KLHDC10: variants seen among roughly 807,000 people sequenced by gnomAD.
KLHDC10 encodes the protein kelch domain-containing protein 10.
KLHDC10 carries 24 observed loss-of-function variants against 56.1 expected under a neutral mutation model. The observed-to-expected ratio is 0.43, with a 90% CI of 0.31 to 0.60. The LOEUF is 0.60. Among genes scored for constraint, KLHDC10 ranks in the 20% least tolerant of loss-of-function variants. KLHDC10 has a pLI of 0.11. For synonymous variants in KLHDC10, 188 were observed against 207.1 expected, an observed-to-expected ratio of 0.91 and a Z score of 0.79; for missense variants, 349 against 567.0, an observed-to-expected ratio of 0.62 and a Z score of 3.91.
intron 1 of KLHDC10, among the ~76,000 whole-genome samples, chr7:130,082,397 A>G (rs555370535): frequency 2.0e-5 from 3 of 152,320 alleles, no homozygotes; most frequent in African/African-American, 7.2e-5. Flanking sequence ...AGCTATATCA[A>G]CATTTTGATA....
At chr7:130,113,791 G>T (rs768139653) in intron 2 of KLHDC10, among the ~76,000 whole-genome samples, 1 of 152,188 alleles carries the variant, frequency 6.6e-6, no homozygotes, top group South Asian at 2.1e-4. Context: ...TAGAGAAAAT[G>T]TAGAATAGAC....
Position 130,131,215 on chromosome 7 carries a change from TC to T in KLHDC10, c.*470del, listed in dbSNP as rs1796396147. 4 of 162,022 alleles carry T rather than the reference TC, an allele frequency of 2.5e-5. No homozygotes were observed. In the South Asian group the frequency reaches 6.5e-4, roughly 26 times the overall value. The allele number at this position is 162,022 out of a possible 1,614,324, so 10.0% of individuals were successfully genotyped here. Reference sequence around the variant, plus strand: ...AAGCTGAGAAGGCTAACCTTGGGAATCTTGCAGGTTATACTTAAACCTAGAT... The same window carrying T: ...AAGCTGAGAAGGCTAACCTTGGGAATTTGCAGGTTATACTTAAACCTAGAT... On this transcript the variant is annotated 3_prime_UTR_variant, in exon 10 of 10. Coordinates refer to ENST00000335420, the MANE Select transcript of KLHDC10 (RefSeq NM_014997.4).
rs149721697 is a variant in KLHDC10, at chr7:130,120,872, G to A, written c.599G>A (p.Arg200Gln). 1.9e-5 allele frequency: 31 copies of A among 1,614,044 alleles called. 1 individual carries two copies. Among genetic ancestry groups the A allele is most frequent in the South Asian group, 1.8e-4 (16 of 91,072 alleles). The change falls in exon 4 of 10, where the codon CGG becomes CAG. Residue 200 changes from arginine (R) to glutamine (Q), a missense_variant. Physicochemically the swap from Arg to Gln is conservative, Grantham distance 43. Coordinates refer to ENST00000335420, the MANE Select transcript of KLHDC10 (RefSeq NM_014997.4). This position sits in a 1 kb window ranked among gnomAD's most constrained non-coding sequence, Gnocchi z 5.1. ...KYKRWALLSC[R>Q]GKKPSRIYGQ... ...AAGAGATGGGCTTTGCTCAGCTGTC[G>A]GGGGAAGAAACCCAGTCGTATATAT...
At chr7:130,075,190 A>G (rs566197037) in intron 1 of KLHDC10, among the ~76,000 whole-genome samples, 1 of 152,164 alleles carries the variant, frequency 6.6e-6, no homozygotes, top group Non-Finnish European at 1.5e-5. Context: ...TCATGGGGCA[A>G]TGGAATTCAG....
At chr7:130,102,403 TAAAC>T (rs1181271879) in intron 2 of KLHDC10, among the ~76,000 whole-genome samples, 1 of 152,104 alleles carries the variant, frequency 6.6e-6, no homozygotes, top group Non-Finnish European at 1.5e-5. Flanking sequence ...GAGACTAAAA[TAAAC>T]AAAACAGCTG....
chr7:130,084,228 G>C (rs1372574846), intron 1 of KLHDC10, among the ~76,000 whole-genome samples: 1 of 152,150 alleles, frequency 6.6e-6, no homozygotes, highest in Non-Finnish European at 1.5e-5. Context: ...TTAAGCACAG[G>C]AGTGATGTGG....
chr7:130,115,935 G>A (rs1796161320), intron 2 of KLHDC10, among the ~76,000 whole-genome samples: 1 of 151,966 alleles, frequency 6.6e-6, no homozygotes, highest in African/African-American at 2.4e-5. Context: ...CATTGTAAGT[G>A]TATAATTATA....
At chr7:130,104,698 A>C (rs1795984967) in intron 2 of KLHDC10, among the ~76,000 whole-genome samples, 1 of 152,192 alleles carries the variant, frequency 6.6e-6, no homozygotes, top group African/African-American at 2.4e-5. Flanking sequence ...TACTCATGGC[A>C]AGAGGCAGAG....
intron 2 of KLHDC10, among the ~76,000 whole-genome samples, chr7:130,107,407 T>TAAACTTGCAAA (rs1250135209): frequency 6.6e-6 from 1 of 152,168 alleles, no homozygotes; most frequent in Admixed American, 6.5e-5. Flanking sequence ...GGACAAAATT[T>TAAACTTGCAAA]AAACTTGCAA....
At chr7:130,123,394 C>T (rs545746404) in intron 5 of KLHDC10, among the ~76,000 whole-genome samples, 19 of 151,712 alleles carry the variant, frequency 1.3e-4, no homozygotes, top group East Asian at 1.2e-3. Flanking sequence ...TGCTTGAACC[C>T]GGGAGGCAGA....
intron 1 of KLHDC10, among the ~76,000 whole-genome samples, chr7:130,092,339 G>A (rs140018427): frequency 1.4e-4 from 22 of 152,252 alleles, no homozygotes; most frequent in East Asian, 1.2e-3. Flanking sequence ...AATATTGTTC[G>A]ATTCTCTTTT....
intron 1 of KLHDC10, among the ~76,000 whole-genome samples, chr7:130,087,581 T>A (rs1343333434): frequency 6.6e-6 from 1 of 152,108 alleles, no homozygotes; most frequent in African/African-American, 2.4e-5. Flanking sequence ...CTTTTGAGTT[T>A]TTTCCCTTTT....
Position 130,131,623 on chromosome 7 carries a change from C to T in KLHDC10, c.*877C>T, listed in dbSNP as rs1796402495. 6.6e-6 allele frequency: 1 copy of T among 152,160 alleles called. No homozygotes were observed. The highest frequency in any genetic ancestry group is 1.5e-5 in the Non-Finnish European group (1 of 68,048). The allele number at this position is 152,160 out of a possible 1,614,324, so 9.4% of individuals were successfully genotyped here. ...TGACTTCTTCATGGGGAATTGTAGA[C>T]CCTAAGTATGTGGTGTAAATGCCAT... On this transcript the variant is annotated 3_prime_UTR_variant, in exon 10 of 10. Coordinates refer to ENST00000335420, the MANE Select transcript of KLHDC10 (RefSeq NM_014997.4).
intron 1 of KLHDC10, among the ~76,000 whole-genome samples, chr7:130,073,809 A>G (rs575786972): frequency 1.3e-5 from 2 of 152,144 alleles, no homozygotes; most frequent in African/African-American, 4.8e-5. Context: ...ATCCTCCTCA[A>G]TATTTTCTTC....
chr7:130,123,388 T>G (rs1214144635), intron 5 of KLHDC10, among the ~76,000 whole-genome samples: 1 of 151,804 alleles, frequency 6.6e-6, no homozygotes, highest in Non-Finnish European at 1.5e-5. Context: ...GAGAATTGCT[T>G]GAACCCGGGA....
intron 7 of KLHDC10, among the ~76,000 whole-genome samples, chr7:130,126,234 C>G (rs1796314409): frequency 6.6e-6 from 1 of 152,106 alleles, no homozygotes; most frequent in African/African-American, 2.4e-5. Context: ...GGGAGAATCA[C>G]CTGAGCTTGG....
intron 2 of KLHDC10, among the ~76,000 whole-genome samples, chr7:130,099,797 G>A (rs1051811341): frequency 1.3e-5 from 2 of 152,196 alleles, no homozygotes; most frequent in Admixed American, 1.3e-4. Context: ...GGCTAATTAT[G>A]AGATTATTAT....
intron 1 of KLHDC10, among the ~76,000 whole-genome samples, chr7:130,086,097 A>T (rs898275753): frequency 3.9e-5 from 6 of 152,038 alleles, no homozygotes; most frequent in Admixed American, 6.6e-5. Flanking sequence ...ATTTTCCCCA[A>T]ATTATTTTTA....
At chr7:130,103,538 T>C (rs1478520510) in intron 2 of KLHDC10, among the ~76,000 whole-genome samples, 1 of 152,092 alleles carries the variant, frequency 6.6e-6, no homozygotes, top group East Asian at 1.9e-4. Flanking sequence ...TATACGTTAC[T>C]AAAGTACTTA....
Sources: allele counts gnomAD v4.1 joint callset (sites outside exome capture counted in the v4.1 genomes callset), GRCh38; gene constraint gnomAD v4.1.1; non-coding constraint Gnocchi (gnomAD v3.1); transcripts MANE v1.5; gene names NCBI Gene and HGNC (gene_info 2026-07-23, HGNC 2026-07-21).